The following IFT56 variants were observed in gnomAD, a reference collection of about 807,000 sequenced individuals.
IFT56 encodes intraflagellar transport protein 56.
the IFT56 span, chr7:139,173,819 A>G: frequency 1.4e-6 from 1 of 727,444 alleles, no homozygotes; most frequent in African/African-American, 1.8e-5. Context: ...AATAACAATC[A>G]TCCTTCTGCT....
At chr7:139,165,181 T>C in the IFT56 span, 1 of 1,613,896 alleles carries the variant, frequency 6.2e-7, no homozygotes, top group Non-Finnish European at 8.5e-7. Context: ...CCTCCCCTAG[T>C]TGATGTCATT....
the IFT56 span, chr7:139,187,659 G>T: frequency 7.8e-7 from 1 of 1,282,128 alleles, no homozygotes; most frequent in Non-Finnish European, 1.1e-6. Context: ...TTAGAATGAT[G>T]AAAAAAAGGT....
chr7:139,153,595 T>C, the IFT56 span, among the ~76,000 whole-genome samples: 2 of 152,250 alleles, frequency 1.3e-5, no homozygotes, highest in Non-Finnish European at 2.9e-5. Flanking sequence ...ATTTGGTCTT[T>C]ATGATCGGCA....
the IFT56 span, among the ~76,000 whole-genome samples, chr7:139,169,625 T>C: frequency 6.6e-6 from 1 of 152,146 alleles, no homozygotes; most frequent in Non-Finnish European, 1.5e-5. Flanking sequence ...TTTTACTGAG[T>C]TTTCAAGAGC....
At chr7:139,135,269 C>T in the IFT56 span, among the ~76,000 whole-genome samples, 1 of 127,632 alleles carries the variant, frequency 7.8e-6, no homozygotes, top group African/African-American at 3.4e-5. Flanking sequence ...CAAGGCGAGA[C>T]TCCGTCTCAA....
At chr7:139,168,388 A>G in the IFT56 span, 1 of 1,611,798 alleles carries the variant, frequency 6.2e-7, no homozygotes, top group Non-Finnish European at 8.5e-7. Context: ...TTGGCCAGGA[A>G]ATGGGTTCAG....
At chr7:139,187,452 G>T in the IFT56 span, 1 of 1,614,144 alleles carries the variant, frequency 6.2e-7, no homozygotes, top group Non-Finnish European at 8.5e-7. Flanking sequence ...GTCCTTGAGA[G>T]GCTGGATCCT....
At chr7:139,140,987 G>A in the IFT56 span, among the ~76,000 whole-genome samples, 10 of 145,094 alleles carry the variant, frequency 6.9e-5, no homozygotes, top group Non-Finnish European at 1.5e-4. Context: ...TCAGCCGGGT[G>A]CAGTGGCTCA....
the IFT56 span, among the ~76,000 whole-genome samples, chr7:139,176,134 G>T: frequency 6.6e-6 from 1 of 151,980 alleles, no homozygotes; most frequent in African/African-American, 2.4e-5. Flanking sequence ...TCTAGTATTT[G>T]ACAGCACAAC....
At chr7:139,133,811 GGCGCGGCCTTC>G in the IFT56 span, 2 of 1,613,960 alleles carry the variant, frequency 1.2e-6, no homozygotes, top group African/African-American at 2.7e-5. Flanking sequence ...GAAACGCTGA[GGCGCGGCCTTC>G]GCTGTGTGGT....
the IFT56 span, among the ~76,000 whole-genome samples, chr7:139,174,540 G>A: frequency 6.6e-6 from 1 of 152,054 alleles, no homozygotes; most frequent in Non-Finnish European, 1.5e-5. Flanking sequence ...AGTGAAAAAA[G>A]CTTCTGCACA....
the IFT56 span, among the ~76,000 whole-genome samples, chr7:139,144,553 T>C: frequency 6.6e-6 from 1 of 152,082 alleles, no homozygotes; most frequent in Admixed American, 6.5e-5. Flanking sequence ...CTTCAAATTT[T>C]GCTTCTGCTC....
the IFT56 span, among the ~76,000 whole-genome samples, chr7:139,148,876 A>G: frequency 3.3e-5 from 5 of 150,114 alleles, no homozygotes; most frequent in East Asian, 6.1e-4. Context: ...ACTCCAGCCT[A>G]GGTGACAGAG....
the IFT56 span, chr7:139,172,839 C>T: frequency 4.5e-6 from 3 of 672,582 alleles, no homozygotes. Flanking sequence ...AGCCAGCGAA[C>T]ACTGTACTTC....
chr7:139,135,983 G>A, the IFT56 span, among the ~76,000 whole-genome samples: 17 of 151,890 alleles, frequency 1.1e-4, no homozygotes, highest in African/African-American at 4.1e-4. Context: ...GAGTGCAATG[G>A]CGCAATCTCA....
chr7:139,174,052 G>C, the IFT56 span: 1 of 609,506 alleles, frequency 1.6e-6, no homozygotes, highest in Non-Finnish European at 3.2e-6. Context: ...ATCAACACCA[G>C]GCAACCTGCA....
chr7:139,188,501 T>C, the IFT56 span, among the ~76,000 whole-genome samples: 1 of 152,268 alleles, frequency 6.6e-6, no homozygotes, highest in African/African-American at 2.4e-5. Context: ...ATAGGAAATG[T>C]GTTAATTTTG....
chr7:139,138,956 A>G, the IFT56 span, among the ~76,000 whole-genome samples: 1 of 151,918 alleles, frequency 6.6e-6, no homozygotes, highest in Non-Finnish European at 1.5e-5. Flanking sequence ...GACTACAGAC[A>G]TGCGCCACCA....
At chr7:139,138,075 C>A in the IFT56 span, 1 of 526,794 alleles carries the variant, frequency 1.9e-6, no homozygotes, top group Non-Finnish European at 3.3e-6. Context: ...TATTTGCATT[C>A]TTCAATTATA....
Sources: gnomAD v4.1 joint callset for allele counts (sites outside exome capture counted in the v4.1 genomes callset) on GRCh38, gnomAD v4.1.1 for gene constraint, MANE v1.5 for transcripts, NCBI Gene and HGNC (gene_info 2026-07-23, HGNC 2026-07-21) for gene names.